Variants in PCDHA6 observed in about 807,000 individuals in gnomAD.
PCDHA6 encodes the protein protocadherin alpha-6.
In PCDHA6, 55 loss-of-function variants were observed where a neutral mutation model predicts 60.3. The observed-to-expected ratio is 0.91, with a 90% CI of 0.73 to 1.14. PCDHA6 has a LOEUF of 1.14. Among genes scored for constraint, PCDHA6 ranks in the 50% most tolerant of loss-of-function variants. The pLI is 0.00. For synonymous variants in PCDHA6, 652 were observed against 557.9 expected (o/e 1.17, Z -2.38); for missense variants, 1,327 against 1,256.5 (o/e 1.06, Z -0.85).
rs145430316 is a variant in PCDHA6 at position 140,849,629 on chromosome 5, C to T, written c.2394+19144C>T. The T allele has an allele frequency of 6.9e-4, 1,102 of 1,598,720 alleles. 110 individuals carry two copies. The highest frequency in any genetic ancestry group is 1.2e-3 in the South Asian group (106 of 90,564). On this transcript the variant is annotated intron_variant, in intron 1 of 3. Transcript: ENST00000529310. ...CCCTGATTAGTGTGATCGACCTAGA[C>T]GCAGATGCCAACGGGCAGGTTACCT...
intron 3 of PCDHA6, among the ~76,000 whole-genome samples, chr5:141,005,018 T>G (rs2098193299): frequency 6.6e-6 from 1 of 152,250 alleles, no homozygotes; most frequent in Non-Finnish European, 1.5e-5. Context: ...AGCTGCATTA[T>G]ATATAATTGC....
intron 1 of PCDHA6, among the ~76,000 whole-genome samples, chr5:140,880,962 A>G (rs1439455519): frequency 6.6e-6 from 1 of 152,224 alleles, no homozygotes; most frequent in Non-Finnish European, 1.5e-5. Context: ...GATGAGGGTA[A>G]GAGAATACCA....
chr5:140,863,348 C>T, intron 1 of PCDHA6: 2 of 1,313,382 alleles, frequency 1.5e-6, no homozygotes, highest in Non-Finnish European at 2.1e-6. Flanking sequence ...CTGCTGTACA[C>T]GACGCTGCGG....
chr5:140,880,407 C>T (rs1198132829), intron 1 of PCDHA6, among the ~76,000 whole-genome samples: 1 of 152,128 alleles, frequency 6.6e-6, no homozygotes, highest in Non-Finnish European at 1.5e-5. Context: ...ATATGGTTGA[C>T]CTTAAAAGCG....
chr5:141,009,339 G>A (rs1328874922), intron 3 of PCDHA6, among the ~76,000 whole-genome samples: 13 of 152,168 alleles, frequency 8.5e-5, no homozygotes, highest in African/African-American at 3.1e-4. Context: ...TGTGCCTGTA[G>A]TTCCAGCTAC....
intron 1 of PCDHA6, among the ~76,000 whole-genome samples, chr5:140,920,933 C>G (rs1293177470): frequency 6.6e-6 from 1 of 151,360 alleles, no homozygotes; most frequent in Non-Finnish European, 1.5e-5. Flanking sequence ...GGTGATCTAG[C>G]CCTTTCATTC....
rs149448038 is a variant in PCDHA6 at position 140,843,600 on chromosome 5, C to T, written c.2394+13115C>T. On this transcript the variant is annotated intron_variant, in intron 1 of 3. Coordinates refer to ENST00000529310, the MANE Select transcript of PCDHA6 (RefSeq NM_018909.4). Reference sequence around the variant, plus strand: ...CAACAACAGCCGCAGAGGGTGTGCTCTGGTGAGGGGCCACCGAAGACGGAC... The same window carrying T: ...CAACAACAGCCGCAGAGGGTGTGCTTTGGTGAGGGGCCACCGAAGACGGAC... The T allele has an allele frequency of 1.0e-4, 165 of 1,596,060 alleles. 9 individuals are homozygous for T. The African/African-American group carries it at 2.0e-3, about 20-fold the overall frequency.
chr5:140,997,610 C>A (rs1223241020), intron 3 of PCDHA6, among the ~76,000 whole-genome samples: 1 of 151,776 alleles, frequency 6.6e-6, no homozygotes, highest in Non-Finnish European at 1.5e-5. Flanking sequence ...GGGCGCATGA[C>A]TATATAGAGA....
At chr5:140,874,427 A>T (rs2054903457) in intron 1 of PCDHA6, among the ~76,000 whole-genome samples, 1 of 152,212 alleles carries the variant, frequency 6.6e-6, no homozygotes, top group African/African-American at 2.4e-5. Context: ...TTCTGAAGAG[A>T]AGCATGTCCT....
At chr5:140,881,719 C>A (rs914788204) in intron 1 of PCDHA6, among the ~76,000 whole-genome samples, 3 of 152,104 alleles carry the variant, frequency 2.0e-5, no homozygotes, top group African/African-American at 7.2e-5. Context: ...GTGAGGAGGT[C>A]TTGAAAAATA....
chr5:140,990,280 G>C (rs1224210562), intron 3 of PCDHA6, among the ~76,000 whole-genome samples: 1 of 152,264 alleles, frequency 6.6e-6, no homozygotes, highest in African/African-American at 2.4e-5. Context: ...CCCGGGTCTT[G>C]AGATTATCGA....
rs2150496669 is a variant in PCDHA6 at position 140,850,740 on chromosome 5, T to C, written c.2394+20255T>C. 3.8e-6 allele frequency: 6 copies of C among 1,597,446 alleles called. No individual in the cohort carries two copies. In the South Asian group the frequency reaches 4.4e-5, roughly 12 times the overall value. On this transcript the variant is annotated intron_variant, in intron 1 of 3. Transcript: ENST00000529310. ...GTGTTCTAGCGCGGTGGGGAGTTGG[T>C]CGTACTCGCAGCAGAGGAGGCAGAG...
chr5:140,927,077 G>C (rs568623488), intron 1 of PCDHA6: 29 of 1,610,728 alleles, frequency 1.8e-5, no homozygotes, highest in Non-Finnish European at 2.5e-5. Flanking sequence ...TCCAGCCACC[G>C]CGAGCTCTAC....
chr5:140,954,505 A>G (rs1011072156), intron 1 of PCDHA6, among the ~76,000 whole-genome samples: 2 of 152,082 alleles, frequency 1.3e-5, no homozygotes, highest in Non-Finnish European at 2.9e-5. Flanking sequence ...TTTGATTTGC[A>G]TTTACCTAAT....
In PCDHA6 at chr5:140,993,861, T is replaced by G. The variant is rs143253452; in HGVS notation, c.2542+11298T>G. 3.2e-4 allele frequency among the ~76,000 whole-genome samples: 49 copies of G among 152,356 alleles called. No homozygotes were observed. In the East Asian group the frequency reaches 9.4e-3, roughly 29 times the overall value. On this transcript the variant is annotated intron_variant, in intron 3 of 3. Transcript: ENST00000529310. ...TAGGTATGTAGTAGGCTATGCCATC[T>G]AGGTTTGTGTAAGTACGCTCTATGA... is the stretch of plus-strand genomic sequence containing the variant.
At chr5:140,966,638 T>A in intron 1 of PCDHA6, 2 of 1,090,114 alleles carry the variant, frequency 1.8e-6, no homozygotes, top group South Asian at 2.2e-5. Flanking sequence ...CCAGGCGCTT[T>A]CTAGAGCGTG....
intron 3 of PCDHA6, 32 bp from the exon 4 acceptor site, chr5:141,009,595 C>T (rs781807814): frequency 6.2e-7 from 1 of 1,604,124 alleles, no homozygotes; most frequent in Admixed American, 1.7e-5. Context: ...TGTGTTGACC[C>T]TGTTAATGAT....
intron 1 of PCDHA6, chr5:140,884,364 A>G: frequency 1.2e-6 from 2 of 1,613,884 alleles, no homozygotes; most frequent in Non-Finnish European, 1.7e-6. Flanking sequence ...GTCAATGTTT[A>G]CTTGATCATT....
At chr5:140,970,753 C>T (rs1282500516) in intron 1 of PCDHA6, among the ~76,000 whole-genome samples, 1 of 152,176 alleles carries the variant, frequency 6.6e-6, no homozygotes, top group Non-Finnish European at 1.5e-5. Context: ...AATATATTTT[C>T]ATTGACATAT....
Sources: allele counts gnomAD v4.1 joint callset (sites outside exome capture counted in the v4.1 genomes callset), GRCh38; gene constraint gnomAD v4.1.1; transcripts MANE v1.5; gene names NCBI Gene and HGNC (gene_info 2026-07-23, HGNC 2026-07-21).